The following TMEM182 variants were observed in gnomAD, a reference collection of about 807,000 sequenced individuals.
The protein encoded by TMEM182 is transmembrane protein 182.
A neutral mutation model predicts 26.8 loss-of-function variants in TMEM182; 20 were observed. The observed-to-expected ratio is 0.75, with a 90% CI of 0.53 to 1.09. The LOEUF (loss-of-function observed/expected upper bound fraction) is 1.09, where lower values mean the gene tolerates loss of function less well. Among genes scored for constraint, TMEM182 ranks in the 50% least tolerant of loss-of-function variants. The pLI, the probability that TMEM182 is intolerant of heterozygous loss-of-function variation, is 0.00. For missense variants in TMEM182, 277 were observed against 275.5 expected, an observed-to-expected ratio of 1.01 and a Z score of -0.04; for synonymous variants, 109 against 102.2, an observed-to-expected ratio of 1.07 and a Z score of -0.40.
At chr2:102,753,442 G>A (rs1679937227) in intron 1 of TMEM182, among the ~76,000 whole-genome samples, 1 of 152,114 alleles carries the variant, frequency 6.6e-6, no homozygotes, top group Non-Finnish European at 1.5e-5. Flanking sequence ...CTATTCATTG[G>A]GGTCTAGATG....
intron 3 of TMEM182, among the ~76,000 whole-genome samples, chr2:102,776,276 A>G (rs984150149): frequency 6.6e-6 from 1 of 152,206 alleles, no homozygotes; most frequent in Non-Finnish European, 1.5e-5. Flanking sequence ...CCATAGTATC[A>G]TACAGATTAG....
At chr2:102,793,242 GT>G (rs1681725091) in intron 3 of TMEM182, among the ~76,000 whole-genome samples, 1 of 152,182 alleles carries the variant, frequency 6.6e-6, no homozygotes, top group African/African-American at 2.4e-5. Context: ...TTGGCTCTGT[GT>G]CAGGTATCTG....
chr2:102,758,779 C>T (rs1279186161), upstream of TMEM182, among the ~76,000 whole-genome samples: 1 of 152,174 alleles, frequency 6.6e-6, no homozygotes, highest in African/African-American at 2.4e-5. Context: ...GCTAAAATGG[C>T]TCAGTTTTAT....
Position 102,764,378 on chromosome 2 carries a change from C to T in TMEM182, c.282C>T (p.Tyr94=). The part of the protein sequence containing the change: ...KNCTHAYLSP[Y]PFMRGEHNST... Reference sequence around the variant, plus strand: ...GCACACATGCTTACCTGTCTCCGTACCCCTTCATGAGAGGCGAGCACAACT... The same window carrying T: ...GCACACATGCTTACCTGTCTCCGTATCCCTTCATGAGAGGCGAGCACAACT... The change falls in exon 3 of 5, where the codon TAC becomes TAT. Residue 94 remains tyrosine (Y), a synonymous_variant. Transcript: ENST00000412401. The T allele has an allele frequency of 6.2e-7, 1 of 1,613,960 alleles. No individual in the cohort carries two copies. Among genetic ancestry groups the T allele is most frequent in the Non-Finnish European group, 8.5e-7 (1 of 1,179,904 alleles).
intron 1 of TMEM182, among the ~76,000 whole-genome samples, chr2:102,740,514 A>G (rs1052408005): frequency 3.3e-5 from 5 of 152,190 alleles, no homozygotes; most frequent in Non-Finnish European, 7.4e-5. Context: ...CTGTGAGTCA[A>G]TTAAACCTCT....
At chr2:102,772,959 T>G (rs1366020121) in intron 3 of TMEM182, among the ~76,000 whole-genome samples, 1 of 152,022 alleles carries the variant, frequency 6.6e-6, no homozygotes. Flanking sequence ...TGTGTGTGTG[T>G]GTGTGTCCAC....
At position 102,762,247 on chromosome 2, in the gene TMEM182, A is replaced by T. The variant is rs1357562708; in HGVS notation, c.30A>T (p.Gly10=). The change falls in exon 1 of 5, where the codon GGA becomes GGT. Residue 10 remains glycine (G), a synonymous_variant. Transcript: ENST00000412401. MRLNIAIFF[G]ALFGALGVLL... ...GACTAAATATCGCTATCTTCTTTGG[A>T]GCTCTCTTTGGTGCTTTGGGGGTGT... The T allele has an allele frequency of 1.2e-6, 2 of 1,613,032 alleles. No individual in the cohort carries two copies. Among genetic ancestry groups the T allele is most frequent in the Admixed American group, 1.7e-5 (1 of 59,868 alleles).
At chr2:102,782,475 G>C (rs954614234) in intron 3 of TMEM182, among the ~76,000 whole-genome samples, 3 of 151,912 alleles carry the variant, frequency 2.0e-5, no homozygotes, top group Non-Finnish European at 4.4e-5. Flanking sequence ...ATGGAATGAT[G>C]AAAACATATA....
intron 3 of TMEM182, among the ~76,000 whole-genome samples, chr2:102,783,765 C>G (rs1382854152): frequency 2.0e-5 from 3 of 152,030 alleles, no homozygotes; most frequent in Non-Finnish European, 4.4e-5. Context: ...GCACTCTAGC[C>G]TAAGCAACAT....
intron 3 of TMEM182, among the ~76,000 whole-genome samples, chr2:102,784,541 G>T (rs1651676183): frequency 6.6e-6 from 1 of 152,170 alleles, no homozygotes; most frequent in Admixed American, 6.5e-5. Context: ...GACCCCAAGA[G>T]GGGGGTTTTT....
chr2:102,765,028 G>A (rs1046907444), intron 3 of TMEM182, among the ~76,000 whole-genome samples: 3 of 151,688 alleles, frequency 2.0e-5, no homozygotes, highest in African/African-American at 7.3e-5. Context: ...GTCATATATA[G>A]AACAAAAAAG....
upstream of TMEM182, chr2:102,757,368 C>T (rs1162625096): frequency 6.6e-6 from 1 of 152,058 alleles, no homozygotes; most frequent in Non-Finnish European, 1.5e-5. Flanking sequence ...GTAGTGGGAC[C>T]CCATGAAGAT....
chr2:102,791,532 A>G (rs912324868), intron 3 of TMEM182, among the ~76,000 whole-genome samples: 4 of 152,328 alleles, frequency 2.6e-5, no homozygotes, highest in Admixed American at 2.6e-4. Flanking sequence ...CGCCATCCTC[A>G]TTTCAGCACC....
chr2:102,828,871 G>T (rs1683095142), intron 3 of TMEM182, among the ~76,000 whole-genome samples: 1 of 152,166 alleles, frequency 6.6e-6, no homozygotes, highest in African/African-American at 2.4e-5. Flanking sequence ...CATCTAAAAA[G>T]ACTGTAAGGC....
In TMEM182 at chr2:102,836,616, T is replaced by G. The variant is rs1005869658; in HGVS notation, c.326-6796T>G. ...AAGAGGCTGCATAACTTGCCCAAGA[T>G]TCCATGAACAAAAAGCACAAAGCCA... On this transcript the variant is annotated intron_variant, in intron 3 of 3. Transcript: ENST00000486293. 5.3e-5 allele frequency among the ~76,000 whole-genome samples: 8 copies of G among 152,150 alleles called. No homozygotes were observed. In the East Asian group the frequency reaches 7.7e-4, roughly 15 times the overall value.
chr2:102,796,565 G>A (rs1354256159), intron 3 of TMEM182, among the ~76,000 whole-genome samples: 1 of 152,188 alleles, frequency 6.6e-6, no homozygotes. Flanking sequence ...TCTGCAACTC[G>A]TAATTTCCAT....
chr2:102,795,914 C>T (rs188628076), intron 3 of TMEM182, among the ~76,000 whole-genome samples: 2 of 152,116 alleles, frequency 1.3e-5, no homozygotes, highest in African/African-American at 4.8e-5. Flanking sequence ...CATGATTCCT[C>T]CCTCCTCTTT....
rs190344124 is a variant in TMEM182 at position 102,793,297 on chromosome 2, T to C, written c.332-4566T>C. Among the ~76,000 whole-genome samples, 61 of 152,336 alleles carry C rather than the reference T, an allele frequency of 4.0e-4. 1 individual carries two copies. In the East Asian group the frequency reaches 0.011, roughly 28 times the overall value. On this transcript the variant is annotated intron_variant, in intron 3 of 4. Coordinates refer to ENST00000412401, the MANE Select transcript of TMEM182 (RefSeq NM_144632.5). ...TTAGGTTTGTAGGAGTAGAGTCATG[T>C]GATATGGAACATGGCCACTACCTTT...
chr2:102,741,463 T>C (rs1358623795), intron 1 of TMEM182, among the ~76,000 whole-genome samples: 3 of 152,136 alleles, frequency 2.0e-5, no homozygotes, highest in Non-Finnish European at 4.4e-5. Flanking sequence ...ATTAACCTTA[T>C]TGAAATACAC....
Sources: gnomAD v4.1 joint callset for allele counts (sites outside exome capture counted in the v4.1 genomes callset) on GRCh38, gnomAD v4.1.1 for gene constraint, MANE v1.5 for transcripts, NCBI Gene and HGNC (gene_info 2026-07-23, HGNC 2026-07-21) for gene names.